TNR: variants seen among roughly 807,000 people sequenced by gnomAD.
The protein encoded by TNR is tenascin R, also known as tenascin-R.
A neutral mutation model predicts 150.4 loss-of-function variants in TNR; 45 were observed. The observed-to-expected ratio is 0.30, with a 90% CI of 0.24 to 0.38. The LOEUF is 0.38. Ranked by LOEUF, TNR falls within the 10% of genes least tolerant of loss-of-function variation. The pLI is 1.00. For synonymous variants in TNR, 687 were observed against 678.4 expected, an observed-to-expected ratio of 1.01 and a Z score of -0.20; for missense variants, 1,544 against 1,759.1, an observed-to-expected ratio of 0.88 and a Z score of 2.19.
At chr1:175,632,190 T>C (rs574313024) in intron 1 of TNR, among the ~76,000 whole-genome samples, 1 of 152,356 alleles carries the variant, frequency 6.6e-6, no homozygotes, top group South Asian at 2.1e-4. Flanking sequence ...ACAGGGTTGC[T>C]GCACCTGGTA....
chr1:175,495,899 T>C (rs1171592800), intron 2 of TNR, among the ~76,000 whole-genome samples: 1 of 152,210 alleles, frequency 6.6e-6, no homozygotes. Flanking sequence ...CGGAGCAGAA[T>C]TCAGAAGTCT....
intron 2 of TNR, among the ~76,000 whole-genome samples, chr1:175,429,054 G>A (rs1382741863): frequency 1.3e-5 from 2 of 152,082 alleles, no homozygotes; most frequent in Admixed American, 1.3e-4. Flanking sequence ...CCATTTTATA[G>A]CTCAGTCCTC....
At chr1:175,482,616 C>T (rs1232017576) in intron 2 of TNR, among the ~76,000 whole-genome samples, 1 of 152,150 alleles carries the variant, frequency 6.6e-6, no homozygotes, top group Non-Finnish European at 1.5e-5. Flanking sequence ...CAAATGTACA[C>T]TGAGAAGACG....
At chr1:175,398,185 C>A (rs1373040271) in intron 4 of TNR, among the ~76,000 whole-genome samples, 5 of 152,128 alleles carry the variant, frequency 3.3e-5, no homozygotes, top group East Asian at 1.9e-4. Flanking sequence ...CACAAGGAGA[C>A]CTTTAACAGA....
intron 1 of TNR, among the ~76,000 whole-genome samples, chr1:175,699,394 C>G (rs1182429556): frequency 6.6e-6 from 1 of 152,152 alleles, no homozygotes; most frequent in Non-Finnish European, 1.5e-5. Flanking sequence ...AAAGTAACAT[C>G]ATGGATTTTT....
chr1:175,384,275 C>A (rs1429203723), intron 8 of TNR, among the ~76,000 whole-genome samples: 2 of 152,192 alleles, frequency 1.3e-5, no homozygotes, highest in African/African-American at 4.8e-5. Context: ...AAATGAGAAG[C>A]TGACCTAGAA....
intron 1 of TNR, among the ~76,000 whole-genome samples, chr1:175,634,022 A>G (rs1664418041): frequency 6.6e-6 from 1 of 151,974 alleles, no homozygotes; most frequent in Admixed American, 6.6e-5. Context: ...GACGATGATG[A>G]TGATGATAAG....
intron 1 of TNR, among the ~76,000 whole-genome samples, chr1:175,720,515 G>A (rs748008185): frequency 6.6e-6 from 1 of 152,182 alleles, no homozygotes; most frequent in South Asian, 2.1e-4. Flanking sequence ...GCCCCAAGAC[G>A]GGAACTGTGC....
intron 2 of TNR, among the ~76,000 whole-genome samples, chr1:175,484,028 A>G (rs1164057290): frequency 6.6e-6 from 1 of 152,172 alleles, no homozygotes; most frequent in East Asian, 1.9e-4. Flanking sequence ...CTCCTTGTGG[A>G]CAAGAACGTT....
intron 1 of TNR, among the ~76,000 whole-genome samples, chr1:175,612,788 GT>G (rs1460588682): frequency 6.6e-6 from 1 of 152,170 alleles, no homozygotes; most frequent in East Asian, 1.9e-4. Flanking sequence ...ACTCCTCCAA[GT>G]TTTCTGAAGA....
intron 1 of TNR, among the ~76,000 whole-genome samples, chr1:175,534,313 C>G (rs2102182243): frequency 6.6e-6 from 1 of 152,334 alleles, no homozygotes; most frequent in South Asian, 2.1e-4. Context: ...ACTAGACAAG[C>G]CATTCTAAGC....
intron 9 of TNR, among the ~76,000 whole-genome samples, chr1:175,376,702 C>A (rs937734983): frequency 1.3e-5 from 2 of 152,254 alleles, no homozygotes; most frequent in South Asian, 4.1e-4. Flanking sequence ...AGCAAGAGAA[C>A]CAACAATCCT....
intron 2 of TNR, among the ~76,000 whole-genome samples, chr1:175,459,041 T>TC (rs1656696825): frequency 6.6e-6 from 1 of 151,676 alleles, no homozygotes; most frequent in Non-Finnish European, 1.5e-5. Context: ...CACTGTTGCC[T>TC]CTACTATTAC....
chr1:175,503,828 C>T (rs1231969254), intron 2 of TNR, among the ~76,000 whole-genome samples: 1 of 152,150 alleles, frequency 6.6e-6, no homozygotes, highest in Non-Finnish European at 1.5e-5. Flanking sequence ...GGGAGGCAGG[C>T]AGAAATTTTT....
chr1:175,384,084 G>T lies in TNR; in HGVS notation c.1777+1948C>A, dbSNP rs149877555. Among the ~76,000 whole-genome samples the T allele has an allele frequency of 6.9e-3, 1,045 of 152,350 alleles. 60 individuals carry two copies. Among genetic ancestry groups the T allele is most frequent in the Admixed American group, 0.064 (981 of 15,302 alleles). On this transcript the variant is annotated intron_variant, in intron 8 of 22. Transcript: ENST00000367674. ...TTGTCGACCTGAACACCAAGAATTT[G>T]TTTTCCATCATGCTGCTCAAGAGCT...
At chr1:175,396,183 G>C (rs991469317) in intron 5 of TNR, among the ~76,000 whole-genome samples, 1 of 152,178 alleles carries the variant, frequency 6.6e-6, no homozygotes, top group Non-Finnish European at 1.5e-5. Flanking sequence ...AGAGGTCCTA[G>C]TTCATATCTC....
chr1:175,605,469 C>A (rs954865134), intron 1 of TNR, among the ~76,000 whole-genome samples: 3 of 152,140 alleles, frequency 2.0e-5, no homozygotes, highest in African/African-American at 7.2e-5. Context: ...TTGTACTAAG[C>A]CTGGCATACA....
intron 2 of TNR, among the ~76,000 whole-genome samples, chr1:175,474,846 T>C (rs964276811): frequency 1.3e-5 from 2 of 152,244 alleles, no homozygotes; most frequent in South Asian, 2.1e-4. Context: ...AAAGACAGCA[T>C]AGCCTAGCTG....
At chr1:175,695,433 ACCC>A (rs201961823) in intron 1 of TNR, among the ~76,000 whole-genome samples, 4,238 of 152,310 alleles carry the variant, frequency 0.028, 190 homozygotes, top group African/African-American at 0.096. Flanking sequence ...ACAATCCCTG[ACCC>A]ACAGAAACTA....
Sources: gnomAD v4.1 joint callset for allele counts (sites outside exome capture counted in the v4.1 genomes callset) on GRCh38, gnomAD v4.1.1 for gene constraint, MANE v1.5 for transcripts, NCBI Gene and HGNC (gene_info 2026-07-23, HGNC 2026-07-21) for gene names.